The following RSPRY1 variants were observed in gnomAD, a reference collection of about 807,000 sequenced individuals.
RSPRY1 encodes ring finger and SPRY domain containing 1, also known as RING finger and SPRY domain-containing protein 1.
In RSPRY1, 23 loss-of-function variants were observed where a neutral mutation model predicts 73.1. The observed-to-expected ratio is 0.31, with a 90% CI of 0.23 to 0.45. The LOEUF (loss-of-function observed/expected upper bound fraction) is 0.45. Among genes scored for constraint, RSPRY1 ranks in the 20% least tolerant of loss-of-function variants. The pLI, the probability that RSPRY1 is intolerant of heterozygous loss-of-function variation, is 1.00. For synonymous variants in RSPRY1, 226 were observed against 251.4 expected, an observed-to-expected ratio of 0.90 and a Z score of 0.95; for missense variants, 448 against 698.7, an observed-to-expected ratio of 0.64 and a Z score of 4.05.
chr16:57,207,553 T>C (rs1304860786), intron 2 of RSPRY1: 2 of 455,374 alleles, frequency 4.4e-6, no homozygotes, highest in South Asian at 1.6e-5. Flanking sequence ...TTTCTTGTAA[T>C]ACCATTTTAT....
intron 1 of RSPRY1, among the ~76,000 whole-genome samples, chr16:57,204,038 T>A (rs374528362): frequency 6.6e-6 from 1 of 152,160 alleles, no homozygotes; most frequent in African/African-American, 2.4e-5. Context: ...ACGTCTGTAA[T>A]TATTTTATTT....
rs1212779351 is a variant in RSPRY1, at chr16:57,213,809, C to A, written c.644-79C>A. The stretch of plus-strand genomic sequence containing the variant: ...GATAATGTGCATGAAAGAGTTCTAC[C>A]AAAACAATTTGATTGTTACCAGTGA... On this transcript the variant is annotated intron_variant, in intron 5 of 14. Transcript: ENST00000394420. 8 of 1,077,194 alleles carry A rather than the reference C, an allele frequency of 7.4e-6. No individual in the cohort carries two copies. In the African/African-American group the frequency reaches 9.3e-5, roughly 13 times the overall value. 66.7% of individuals were successfully genotyped at this position (1,077,194 alleles called of 1,614,324 possible).
At chr16:57,209,616 G>A (rs570282041) in intron 4 of RSPRY1, among the ~76,000 whole-genome samples, 144 of 151,930 alleles carry the variant, frequency 9.5e-4, no homozygotes, top group African/African-American at 3.3e-3. Context: ...CACCTGCCTC[G>A]GCCTCCTCCC....
chr16:57,237,121 C>T (rs1054793046), intron 14 of RSPRY1, among the ~76,000 whole-genome samples: 7 of 152,046 alleles, frequency 4.6e-5, no homozygotes, highest in Non-Finnish European at 8.8e-5. Flanking sequence ...GAGCAGAGAT[C>T]GTGCCACTGC....
intron 1 of RSPRY1, among the ~76,000 whole-genome samples, chr16:57,197,101 T>A (rs904571380): frequency 6.6e-6 from 1 of 152,188 alleles, no homozygotes; most frequent in Non-Finnish European, 1.5e-5. Context: ...CTTAAAGCAG[T>A]GGTCCTTGGA....
At chr16:57,233,650 G>A (rs914076829) in intron 13 of RSPRY1, among the ~76,000 whole-genome samples, 19 of 152,152 alleles carry the variant, frequency 1.2e-4, no homozygotes, top group Admixed American at 1.0e-3. Flanking sequence ...GATTACAGGC[G>A]TGAGCCACTG....
At chr16:57,223,635 G>A (rs1482920708) in intron 10 of RSPRY1, among the ~76,000 whole-genome samples, 1 of 152,098 alleles carries the variant, frequency 6.6e-6, no homozygotes, top group African/African-American at 2.4e-5. Context: ...AGCTGGGCGT[G>A]GTGGCGGGCG....
At chr16:57,203,501 T>A (rs769780501) in intron 1 of RSPRY1, among the ~76,000 whole-genome samples, 1 of 152,142 alleles carries the variant, frequency 6.6e-6, no homozygotes, top group Non-Finnish European at 1.5e-5. Flanking sequence ...GCCTGTTTTG[T>A]TTGTTTGTTT....
chr16:57,213,801 A>T, intron 5 of RSPRY1, 87 bp from the exon 6 acceptor site: 1 of 967,836 alleles, frequency 1.0e-6, no homozygotes, highest in Non-Finnish European at 1.7e-6. Flanking sequence ...TGCATGAAAG[A>T]GTTCTACCAA....
chr16:57,204,369 T>C, intron 1 of RSPRY1, 135 bp from the exon 2 acceptor site: 1 of 321,538 alleles, frequency 3.1e-6, no homozygotes, highest in Non-Finnish European at 5.8e-6. Flanking sequence ...TCTCTTTGTA[T>C]TGGAAACCTA....
Position 57,239,141 on chromosome 16 carries a change from G to C in RSPRY1, c.*166G>C. 2 of 382,590 alleles carry C rather than the reference G, an allele frequency of 5.2e-6. No individual in the cohort carries two copies. The allele number at this position is 382,590 out of a possible 1,614,324, so 23.7% of individuals were successfully genotyped here. The stretch of plus-strand genomic sequence containing the variant: ...GTTTGTCAAAGACAAAATTCTCTTA[G>C]AATCTAATCCAACTTGCCAGCCCTG... On this transcript the variant is annotated 3_prime_UTR_variant, in exon 15 of 15. Transcript: ENST00000394420.
intron 1 of RSPRY1, among the ~76,000 whole-genome samples, chr16:57,196,502 C>T (rs1457996660): frequency 5.3e-5 from 8 of 152,082 alleles, no homozygotes; most frequent in African/African-American, 1.9e-4. Context: ...TTTAAGAAAA[C>T]ACAAGCTTGG....
chr16:57,218,720 CTTTTTTTTTTTTTTTTTTTTTTT>C (rs869295634), intron 8 of RSPRY1, among the ~76,000 whole-genome samples: 1 of 41,120 alleles, frequency 2.4e-5, no homozygotes, highest in Non-Finnish European at 4.0e-5. Context: ...GCCACATTTT[CTTTTTTTTTTTTTTTTTTTTTTT>C]TTTTTTTTTT....
intron 2 of RSPRY1, 39 bp from the exon 3 acceptor site, chr16:57,208,019 T>A (rs765274569): frequency 5.5e-6 from 7 of 1,284,036 alleles, no homozygotes; most frequent in Non-Finnish European, 7.8e-6. Context: ...TGTCATTTAT[T>A]ATTTCCTCAG....
chr16:57,209,981 C>T (rs1418915828), intron 4 of RSPRY1, among the ~76,000 whole-genome samples: 2 of 151,754 alleles, frequency 1.3e-5, no homozygotes, highest in Non-Finnish European at 2.9e-5. Context: ...CCGCCACATT[C>T]TCTATCAAGG....
Position 57,204,419 on chromosome 16 carries a change from A to C in RSPRY1, c.-155-85A>C, listed in dbSNP as rs973083392. ...GATAATTCTTCATTAGAATCCTAAT[A>C]TCTATAAAATCAGACTAGGAAAATT... On this transcript the variant is annotated intron_variant, in intron 1 of 14. Transcript: ENST00000394420. The C allele has an allele frequency of 1.5e-5, 7 of 454,014 alleles. No homozygotes were observed. In the East Asian group the frequency reaches 2.5e-4, roughly 16 times the overall value. 28.1% of individuals were successfully genotyped at this position (454,014 alleles called of 1,614,324 possible). A position where few individuals can be genotyped will look rare whatever the true frequency, so the allele number is the denominator to read the frequency against.
intron 10 of RSPRY1, among the ~76,000 whole-genome samples, chr16:57,225,817 G>A (rs948367608): frequency 6.6e-6 from 1 of 152,152 alleles, no homozygotes; most frequent in Non-Finnish European, 1.5e-5. Context: ...GGTGGCTCAC[G>A]CCTGTAATCC....
chr16:57,201,814 T>A, intron 1 of RSPRY1, among the ~76,000 whole-genome samples: 2 of 152,058 alleles, frequency 1.3e-5, no homozygotes, highest in Non-Finnish European at 2.9e-5. Context: ...CGAAAACCAG[T>A]CAGGCGTGGC....
At chr16:57,194,176 A>C (rs536603196) in intron 1 of RSPRY1, among the ~76,000 whole-genome samples, 1 of 152,244 alleles carries the variant, frequency 6.6e-6, no homozygotes, top group South Asian at 2.1e-4. Context: ...AAGAGAAAGT[A>C]TACTGATGCC....
Sources: allele counts gnomAD v4.1 joint callset (sites outside exome capture counted in the v4.1 genomes callset), GRCh38; gene constraint gnomAD v4.1.1; transcripts MANE v1.5; gene names NCBI Gene and HGNC (gene_info 2026-07-23, HGNC 2026-07-21).